ATM: variants seen among roughly 807,000 people sequenced by gnomAD.
ATM encodes ATM serine/threonine kinase, also known as serine-protein kinase ATM.
ATM carries 308 observed loss-of-function variants against 387.0 expected under a neutral mutation model. The observed-to-expected ratio is 0.80, with a 90% CI of 0.73 to 0.87. The LOEUF is 0.87. Among genes scored for constraint, ATM ranks in the 40% least tolerant of loss-of-function variants. The pLI is 0.00. For synonymous variants in ATM, 1,156 were observed against 1,187.3 expected (o/e 0.97, Z 0.54); for missense variants, 3,312 against 3,560.9 (o/e 0.93, Z 1.78).
chr11:108,344,109 T>C (rs2087967530), intron 57 of ATM, among the ~76,000 whole-genome samples: 1 of 152,220 alleles, frequency 6.6e-6, no homozygotes, highest in Admixed American at 6.5e-5. Context: ...AATCCATTTA[T>C]TGTTCATTTT....
chr11:108,295,333 G>GTTTT, intron 32 of ATM: 5 of 288,304 alleles, frequency 1.7e-5, no homozygotes, highest in Non-Finnish European at 2.6e-5. Flanking sequence ...AAGAGACAGA[G>GTTTT]TTTTTTTTTT....
chr11:108,357,096 C>T (rs958754380), intron 61 of ATM, among the ~76,000 whole-genome samples: 2 of 152,214 alleles, frequency 1.3e-5, no homozygotes, highest in South Asian at 2.1e-4. Context: ...ACGCACTGTG[C>T]GCGAACTGAA....
intron 4 of ATM, among the ~76,000 whole-genome samples, chr11:108,233,166 C>T (rs1201321256): frequency 2.0e-5 from 3 of 152,126 alleles, no homozygotes; most frequent in African/African-American, 7.2e-5. Context: ...CCACCCTGTT[C>T]ATTTCTTTAT....
Position 108,284,401 on chromosome 11 carries a change from G to A in ATM, c.3921G>A (p.Gly1307=), listed in dbSNP as rs969461745. ...CCTATGAGGGTACCAGAGACAGTGGGATGGCACAGCAAAGAGAGACTGCTA... is the reference window on the plus strand; with the variant it reads ...CCTATGAGGGTACCAGAGACAGTGGAATGGCACAGCAAAGAGAGACTGCTA... ...YFAYEGTRDS[G]MAQQRETATK... is the part of the protein sequence containing the mutation. Residue 1307 remains glycine, a synonymous_variant, in exon 26 of 63, where the codon GGG becomes GGA. Transcript: ENST00000675843. The A allele has an allele frequency of 1.9e-6, 3 of 1,613,776 alleles. No individual in the cohort carries two copies. Among genetic ancestry groups the A allele is most frequent in the Non-Finnish European group, 2.5e-6 (3 of 1,179,892 alleles).
Position 108,244,240 on chromosome 11 carries a change from A to G in ATM, c.662+122A>G, listed in dbSNP as rs4987916. The G allele has an allele frequency of 4.5e-5, 52 of 1,144,592 alleles. No individual in the cohort carries two copies. The South Asian group carries it at 6.5e-4, about 14-fold the overall frequency. The allele number at this position is 1,144,592 out of a possible 1,614,324, so 70.9% of individuals were successfully genotyped here. On this transcript the variant is annotated intron_variant, in intron 6 of 62. Coordinates refer to ENST00000675843, the MANE Select transcript of ATM (RefSeq NM_000051.4). ...TAAAACATTGATCCATCATAACAGAACTAGTGGATTCCTAAAGAGACAACC... is the reference window on the plus strand; with the variant it reads ...TAAAACATTGATCCATCATAACAGAGCTAGTGGATTCCTAAAGAGACAACC...
intron 60 of ATM, 46 bp from the exon 61 acceptor site, chr11:108,354,765 C>A (rs2089677490): frequency 6.7e-7 from 1 of 1,493,296 alleles, no homozygotes; most frequent in Non-Finnish European, 9.3e-7. Context: ...ACGTTGACAA[C>A]ATTGGTGTGT....
At chr11:108,315,058 G>A (rs1256819224) in intron 40 of ATM, among the ~76,000 whole-genome samples, 1 of 152,146 alleles carries the variant, frequency 6.6e-6, no homozygotes, top group Non-Finnish European at 1.5e-5. Context: ...TGTTAATCAA[G>A]GCTTATAGTA....
rs767788813 is a variant in ATM, at chr11:108,351,673, TC to T, written c.8672-2091del. ...CTGGACCTACTCAGCATCTTGGGGC[TC>T]CAAGGGGAAGGAAGTGGAAGTTAAG... On this transcript the variant is annotated intron_variant, in intron 59 of 62. Transcript: ENST00000675843. 3.9e-5 allele frequency among the ~76,000 whole-genome samples: 6 copies of T among 152,226 alleles called. No homozygotes were observed. The South Asian group carries it at 1.2e-3, about 32-fold the overall frequency.
At chr11:108,293,897 ATATAT>A (rs1565464506) in intron 31 of ATM, among the ~76,000 whole-genome samples, 18 of 114,220 alleles carry the variant, frequency 1.6e-4, no homozygotes, top group African/African-American at 4.7e-4. Context: ...AAAAAAAAAT[ATATAT>A]ATATATATAT....
chr11:108,257,206 C>G (rs2135402354), intron 14 of ATM, among the ~76,000 whole-genome samples: 1 of 152,300 alleles, frequency 6.6e-6, no homozygotes, highest in Non-Finnish European at 1.5e-5. Context: ...TAATGATAGG[C>G]TGTAAGCATG....
intron 47 of ATM, among the ~76,000 whole-genome samples, chr11:108,326,933 C>G (rs896296298): frequency 6.6e-6 from 1 of 152,206 alleles, no homozygotes; most frequent in Admixed American, 6.5e-5. Flanking sequence ...TCAAGCAATT[C>G]CCCTGCCTCA....
intron 40 of ATM, among the ~76,000 whole-genome samples, chr11:108,313,441 T>G (rs1379850093): frequency 6.6e-6 from 1 of 152,206 alleles, no homozygotes; most frequent in South Asian, 2.1e-4. Context: ...TCCAGTAAAA[T>G]AGCACTTGCT....
At chr11:108,341,108 C>T (rs2087505959) in intron 56 of ATM, among the ~76,000 whole-genome samples, 1 of 151,938 alleles carries the variant, frequency 6.6e-6, no homozygotes, top group Admixed American at 6.6e-5. Flanking sequence ...GCCTTATCTA[C>T]CACTCTCCTC....
At chr11:108,307,794 C>T (rs1210719918) in intron 37 of ATM, 103 bp from the exon 38 acceptor site, 18 of 1,073,224 alleles carry the variant, frequency 1.7e-5, no homozygotes, top group South Asian at 4.0e-5. Context: ...GTACTGCCCA[C>T]CAGAACCTTA....
At chr11:108,226,037 G>A (rs1260490570) in intron 1 of ATM, 1 of 152,074 alleles carries the variant, frequency 6.6e-6, no homozygotes, top group Non-Finnish European at 1.5e-5. Flanking sequence ...ATAAATATAT[G>A]TATTTTTTCT....
chr11:108,359,318 G>C (rs1169648167), intron 61 of ATM, among the ~76,000 whole-genome samples: 3 of 151,912 alleles, frequency 2.0e-5, no homozygotes, highest in African/African-American at 4.8e-5. Context: ...GACCTACAAA[G>C]AGACTTAGAA....
intron 37 of ATM, among the ~76,000 whole-genome samples, chr11:108,305,511 T>C (rs1188666148): frequency 1.3e-5 from 2 of 151,966 alleles, no homozygotes; most frequent in Non-Finnish European, 2.9e-5. Flanking sequence ...ACTCAGGAGG[T>C]AGAGGCTCCT....
Position 108,243,949 on chromosome 11 carries a change from TAA to T in ATM, c.497-3_497-2del. 1 of 1,537,062 alleles carries T rather than the reference TAA, an allele frequency of 6.5e-7. No individual in the cohort carries two copies. Among genetic ancestry groups the T allele is most frequent in the Non-Finnish European group, 8.8e-7 (1 of 1,141,982 alleles). ...ATGACTAATAATTTTTTTTTTTTTT[TAA>T]GAATTGTTCTCTGTGTACTTCAGGC... On this transcript the variant is annotated splice_acceptor_variant and splice_polypyrimidine_tract_variant and intron_variant, in intron 5 of 62. Coordinates refer to ENST00000675843, the MANE Select transcript of ATM (RefSeq NM_000051.4). LOFTEE classifies it high-confidence loss of function.
At chr11:108,294,531 G>C (rs140576809) in intron 31 of ATM, among the ~76,000 whole-genome samples, 2 of 152,318 alleles carry the variant, frequency 1.3e-5, no homozygotes, top group African/African-American at 4.8e-5. Flanking sequence ...TCTGAGGTCA[G>C]GAGTTCGAGA....
Sources: allele counts gnomAD v4.1 joint callset (sites outside exome capture counted in the v4.1 genomes callset), GRCh38; gene constraint gnomAD v4.1.1; transcripts MANE v1.5; gene names NCBI Gene and HGNC (gene_info 2026-07-23, HGNC 2026-07-21).